FRAS1: variants seen among roughly 807,000 people sequenced by gnomAD.
The protein encoded by FRAS1 is extracellular matrix organizing protein FRAS1.
A neutral mutation model predicts 435.2 loss-of-function variants in FRAS1; 290 were observed. That is an observed-to-expected ratio of 0.67 (90% CI 0.61 to 0.73). The LOEUF (loss-of-function observed/expected upper bound fraction) is 0.73. FRAS1 is among the 30% of genes least tolerant of loss of function. The pLI is 0.00. For missense variants in FRAS1, 4,860 were observed against 5,001.5 expected, an observed-to-expected ratio of 0.97 and a Z score of 0.85; for synonymous variants, 1,800 against 1,851.0, an observed-to-expected ratio of 0.97 and a Z score of 0.71.
At chr4:78,308,273 A>G (rs1728875650) in intron 15 of FRAS1, 64 bp downstream of exon 15, 2 of 1,519,466 alleles carry the variant, frequency 1.3e-6, no homozygotes, top group Middle Eastern at 1.8e-4. Context: ...CTCTTGTTGT[A>G]TTCAAATCAT....
At chr4:78,089,257 C>T (rs1454908702) in intron 2 of FRAS1, among the ~76,000 whole-genome samples, 2 of 130,604 alleles carry the variant, frequency 1.5e-5, no homozygotes, top group African/African-American at 3.0e-5. Flanking sequence ...GGAAGGGGAA[C>T]ATCACACACT....
rs529343473 is a variant in FRAS1 at position 78,373,764 on chromosome 4, A to T, written c.3011-347A>T. Among the ~76,000 whole-genome samples, 33 of 151,668 alleles carry T rather than the reference A, an allele frequency of 2.2e-4. No individual in the cohort carries two copies. The East Asian group carries it at 4.8e-3, about 22-fold the overall frequency. On this transcript the variant is annotated intron_variant, in intron 24 of 73. Coordinates refer to ENST00000512123, the MANE Select transcript of FRAS1 (RefSeq NM_025074.7). ...CACTCCAGCCTGGGCAACAAGCAAA[A>T]CTCCGTCTTAAATAATAATAATAAT...
chr4:78,480,088 A>G (rs1719967057), intron 56 of FRAS1, among the ~76,000 whole-genome samples: 2 of 152,334 alleles, frequency 1.3e-5, no homozygotes, highest in Middle Eastern at 3.4e-3. Context: ...GTACAATCCA[A>G]TTATACTCTT....
chr4:78,357,573 G>T (rs775753338), intron 20 of FRAS1, among the ~76,000 whole-genome samples: 2 of 152,048 alleles, frequency 1.3e-5, no homozygotes, highest in African/African-American at 2.4e-5. Context: ...TTGTGTTGGT[G>T]GGGGGCCTGG....
chr4:78,258,707 T>C (rs1725920222), intron 6 of FRAS1, among the ~76,000 whole-genome samples: 2 of 149,914 alleles, frequency 1.3e-5, no homozygotes, highest in Non-Finnish European at 3.0e-5. Context: ...TATTTATTTA[T>C]CTATTATTAT....
At chr4:78,420,812 G>A (rs1019260237) in intron 33 of FRAS1, among the ~76,000 whole-genome samples, 1 of 147,630 alleles carries the variant, frequency 6.8e-6, no homozygotes, top group Non-Finnish European at 1.5e-5. Context: ...CTATGGTAGG[G>A]GCAGTAGTAT....
intron 14 of FRAS1, among the ~76,000 whole-genome samples, chr4:78,302,067 A>G (rs1206795654): frequency 6.9e-6 from 1 of 145,360 alleles, no homozygotes; most frequent in African/African-American, 2.6e-5. Context: ...ATGTGTTCTC[A>G]TTGTTCAATT....
At chr4:78,084,706 A>G (rs1741060694) in intron 2 of FRAS1, among the ~76,000 whole-genome samples, 1 of 152,034 alleles carries the variant, frequency 6.6e-6, no homozygotes, top group Non-Finnish European at 1.5e-5. Flanking sequence ...TTCCTGCTCT[A>G]GTCCTAGGTT....
intron 69 of FRAS1, among the ~76,000 whole-genome samples, chr4:78,523,091 A>AAAT (rs1050240911): frequency 3.9e-5 from 6 of 152,090 alleles, no homozygotes; most frequent in East Asian, 3.9e-4. Context: ...GACTCTTAAA[A>AAAT]AATAATAATA....
At chr4:78,441,602 T>C (rs563910846) in intron 41 of FRAS1, among the ~76,000 whole-genome samples, 2 of 150,966 alleles carry the variant, frequency 1.3e-5, no homozygotes, top group South Asian at 4.2e-4. Context: ...AATGAGAAGA[T>C]TGAGTACGAT....
intron 20 of FRAS1, among the ~76,000 whole-genome samples, chr4:78,359,726 G>A (rs967535231): frequency 2.0e-5 from 3 of 152,140 alleles, no homozygotes; most frequent in South Asian, 2.1e-4. Context: ...TTGCACACTC[G>A]AGTATTTGTA....
intron 9 of FRAS1, among the ~76,000 whole-genome samples, chr4:78,276,552 A>G (rs62310045): frequency 0.3 from 46,372 of 152,192 alleles, 7,418 homozygotes; most frequent in East Asian, 0.38. Flanking sequence ...CTTCAGCTGC[A>G]GGTCTGTTGG....
intron 1 of FRAS1, among the ~76,000 whole-genome samples, chr4:78,064,977 A>C (rs553541797): frequency 6.7e-6 from 1 of 149,952 alleles, no homozygotes; most frequent in African/African-American, 2.5e-5. Context: ...TTCTAAGTTA[A>C]ATCAAGACCT....
At position 78,540,529 on chromosome 4, in the gene FRAS1, A is replaced by G; in HGVS notation, c.11446-2A>G. On this transcript the variant is annotated splice_acceptor_variant, in intron 73 of 73. Coordinates refer to ENST00000512123, the MANE Select transcript of FRAS1 (RefSeq NM_025074.7). LOFTEE classifies it high-confidence loss of function. ...CAACATGTTCGGTTTGTCCCCCTGC[A>G]GGTGGAAGCAGGACACCAGTGGTAT... is the stretch of plus-strand genomic sequence containing the variant. 6.7e-7 allele frequency: 1 copy of G among 1,485,178 alleles called. No homozygotes were observed. Among genetic ancestry groups the G allele is most frequent in the South Asian group, 1.5e-5 (1 of 66,396 alleles). 92.0% of individuals were successfully genotyped at this position (1,485,178 alleles called of 1,614,324 possible).
chr4:78,423,990 G>A (rs1300327869), intron 34 of FRAS1, among the ~76,000 whole-genome samples: 1 of 152,184 alleles, frequency 6.6e-6, no homozygotes, highest in Admixed American at 6.5e-5. Context: ...CATGGTTACA[G>A]TGTGTAAATC....
chr4:78,143,755 AT>A (rs1435613209), intron 2 of FRAS1, among the ~76,000 whole-genome samples: 39 of 150,974 alleles, frequency 2.6e-4, no homozygotes, highest in African/African-American at 9.2e-4. Flanking sequence ...AAAAAAAAAA[AT>A]AGCTAAGTAT....
At chr4:78,377,858 G>T (rs1731840171) in intron 26 of FRAS1, among the ~76,000 whole-genome samples, 1 of 151,268 alleles carries the variant, frequency 6.6e-6, no homozygotes, top group African/African-American at 2.5e-5. Context: ...AGAAGCTCTG[G>T]CAGTGGAGCC....
chr4:78,447,973 G>A (rs1389775563), intron 43 of FRAS1, 80 bp from the exon 44 acceptor site: 1 of 1,331,914 alleles, frequency 7.5e-7, no homozygotes, highest in Non-Finnish European at 1.0e-6. Context: ...CATACTACTT[G>A]GAAAAATCAG....
chr4:78,116,886 G>C (rs1011736690), intron 2 of FRAS1, among the ~76,000 whole-genome samples: 1 of 152,136 alleles, frequency 6.6e-6, no homozygotes, highest in Non-Finnish European at 1.5e-5. Context: ...ATGTTAGCTG[G>C]TTATTTTGCT....
Sources: allele counts gnomAD v4.1 joint callset (sites outside exome capture counted in the v4.1 genomes callset), GRCh38; gene constraint gnomAD v4.1.1; transcripts MANE v1.5; gene names NCBI Gene and HGNC (gene_info 2026-07-23, HGNC 2026-07-21).